Variants in MON2 observed in about 807,000 individuals in gnomAD.
MON2 encodes the protein MON2 regulator of endosome-to-Golgi trafficking, also known as protein MON2 homolog.
A neutral mutation model predicts 208.6 loss-of-function variants in MON2; 84 were observed. The observed-to-expected ratio is 0.40, with a 90% CI of 0.34 to 0.48. The LOEUF is 0.48. Ranked by LOEUF, MON2 falls within the 20% of genes least tolerant of loss-of-function variation. The probability of loss-of-function intolerance (pLI) is 0.59; values close to 1 mark genes in which losing one functional copy is unlikely to be tolerated. For missense variants in MON2, 1,611 were observed against 2,015.4 expected (o/e 0.80, Z 3.84); for synonymous variants, 660 against 694.0 (o/e 0.95, Z 0.77).
chr12:62,584,653 A>G (rs994114723), intron 32 of MON2, among the ~76,000 whole-genome samples: 2 of 149,568 alleles, frequency 1.3e-5, no homozygotes, highest in African/African-American at 4.9e-5. Context: ...CGGTGAGCCA[A>G]GATTACACCA....
At chr12:62,520,852 T>A (rs888106496) in intron 8 of MON2, among the ~76,000 whole-genome samples, 11 of 146,546 alleles carry the variant, frequency 7.5e-5, no homozygotes, top group African/African-American at 2.5e-4. Context: ...TATATATATA[T>A]AATTATATAT....
chr12:62,467,108 G>A lies in MON2; in HGVS notation c.-100G>A. 1.1e-6 allele frequency: 1 copy of A among 933,562 alleles called. No individual in the cohort carries two copies. The highest frequency in any genetic ancestry group is 1.5e-5 in the South Asian group (1 of 68,264). 57.8% of individuals were successfully genotyped at this position (933,562 alleles called of 1,614,324 possible). A position where few individuals can be genotyped will look rare whatever the true frequency, so the allele number is the denominator to read the frequency against. ...GGGCCCAAGAAGCGGGCTGCTGAAGGACCAGAGACACCGGGAGGGAGCTGC... is the reference window on the plus strand; with the variant it reads ...GGGCCCAAGAAGCGGGCTGCTGAAGAACCAGAGACACCGGGAGGGAGCTGC... On this transcript the variant is annotated 5_prime_UTR_variant, in exon 1 of 35. Coordinates refer to ENST00000393630, the MANE Select transcript of MON2 (RefSeq NM_015026.3).
chr12:62,546,899 G>A lies in MON2; in HGVS notation c.2580G>A (p.Arg860=), dbSNP rs145811980. The A allele has an allele frequency of 1.1e-4, 177 of 1,594,290 alleles. 1 individual carries two copies. In the African/African-American group the frequency reaches 2.2e-3, roughly 20 times the overall value. Residue 860 remains arginine, a splice_region_variant and synonymous_variant, in exon 22 of 35, where the codon AGG becomes AGA. Coordinates refer to ENST00000393630, the MANE Select transcript of MON2 (RefSeq NM_015026.3). ...NHDPPLSQNQ[R]LQLLLLNPLK... ...TTAGTTTCTTGCCCCCTTTTCAGAG[G>A]CTGCAGTTGCTTTTATTGAACCCGT...
chr12:62,588,152 G>A lies in MON2; in HGVS notation c.4986G>A (p.Glu1662=), dbSNP rs1476178743. 1.3e-6 allele frequency: 2 copies of A among 1,560,824 alleles called. No individual in the cohort carries two copies. The highest frequency in any genetic ancestry group is 8.8e-7 in the Non-Finnish European group (1 of 1,137,126). Residue 1662 remains glutamate (E), a synonymous_variant, in exon 34 of 35, where the codon GAG becomes GAA. Coordinates refer to ENST00000393630, the MANE Select transcript of MON2 (RefSeq NM_015026.3). Reference sequence around the variant, plus strand: ...ATTCACTTAAGAAAACTCAGCCTGAGAATGGTAAGTGCTTAGAAACAGTTA... The same window carrying A: ...ATTCACTTAAGAAAACTCAGCCTGAAAATGGTAAGTGCTTAGAAACAGTTA... ...LIDSLKKTQP[E]NVDGNTWAQV... is the part of the protein sequence containing the mutation.
At chr12:62,507,297 T>TTTTTTC (rs1326415738) in intron 7 of MON2, among the ~76,000 whole-genome samples, 17 of 151,302 alleles carry the variant, frequency 1.1e-4, no homozygotes, top group African/African-American at 3.9e-4. Flanking sequence ...CTTTTCTTTC[T>TTTTTTC]TTTTTCTTTT....
chr12:62,491,217 C>G (rs2070116526), intron 2 of MON2, among the ~76,000 whole-genome samples: 1 of 152,112 alleles, frequency 6.6e-6, no homozygotes, highest in African/African-American at 2.4e-5. Flanking sequence ...GCACCAGTAA[C>G]AAAACATGCA....
intron 4 of MON2, among the ~76,000 whole-genome samples, chr12:62,498,131 A>C (rs1040700761): frequency 1.3e-5 from 2 of 152,192 alleles, no homozygotes; most frequent in Non-Finnish European, 1.5e-5. Context: ...GTACTCGTAC[A>C]ATAGAATACT....
Position 62,547,012 on chromosome 12 carries a change from G to A in MON2, c.2693G>A (p.Ser898Asn). The A allele has an allele frequency of 6.2e-7, 1 of 1,610,612 alleles. No homozygotes were observed. The highest frequency in any genetic ancestry group is 8.5e-7 in the Non-Finnish European group (1 of 1,177,786). ...VLQILQSQGD[S>N]LGPGWPLVLG... ...CAGATTCTGCAGAGTCAGGGAGACA[G>A]TCTTGGGCCTGGATGGCCATTAGTG... The change falls in exon 22 of 35, where the codon AGT becomes AAT. Residue 898 changes from serine (S) to asparagine (N), a missense_variant. Transcript: ENST00000393630.
intron 16 of MON2, 42 bp downstream of exon 16, chr12:62,537,748 T>C: frequency 7.1e-7 from 1 of 1,414,592 alleles, no homozygotes; most frequent in South Asian, 1.2e-5. Context: ...GTTGTTTTTA[T>C]ATATAATTGC....
intron 8 of MON2, among the ~76,000 whole-genome samples, chr12:62,515,152 A>C (rs1182904721): frequency 6.6e-6 from 1 of 152,234 alleles, no homozygotes; most frequent in Admixed American, 6.5e-5. Flanking sequence ...ATTCAAAAGA[A>C]TTGAAAGTGT....
At chr12:62,478,501 CTTG>C (rs1426749143) in intron 1 of MON2, among the ~76,000 whole-genome samples, 3 of 152,138 alleles carry the variant, frequency 2.0e-5, no homozygotes, top group Non-Finnish European at 4.4e-5. Flanking sequence ...TAGCTATCAT[CTTG>C]TTGTTACTAA....
chr12:62,502,283 C>T (rs1388816865), intron 7 of MON2, among the ~76,000 whole-genome samples: 1 of 151,742 alleles, frequency 6.6e-6, no homozygotes, highest in African/African-American at 2.4e-5. Context: ...TGTCTGTATT[C>T]CCTGCTGTTC....
At chr12:62,571,366 T>A (rs1271596774) in intron 29 of MON2, 26 bp from the exon 30 acceptor site, 1 of 1,447,084 alleles carries the variant, frequency 6.9e-7, no homozygotes, top group East Asian at 2.4e-5. Context: ...TAATTAATGC[T>A]TATATTAAAC....
At chr12:62,515,585 G>A (rs1164918853) in intron 8 of MON2, among the ~76,000 whole-genome samples, 1 of 152,144 alleles carries the variant, frequency 6.6e-6, no homozygotes, top group Non-Finnish European at 1.5e-5. Flanking sequence ...TAAGGCCAAG[G>A]TGGATGGATC....
chr12:62,551,468 A>G (rs781710220), intron 23 of MON2, among the ~76,000 whole-genome samples: 3 of 152,192 alleles, frequency 2.0e-5, no homozygotes, highest in Non-Finnish European at 4.4e-5. Context: ...AATAGTTGCA[A>G]TAGTCACATC....
At chr12:62,511,600 C>T (rs1258099105) in intron 8 of MON2, among the ~76,000 whole-genome samples, 3 of 151,892 alleles carry the variant, frequency 2.0e-5, no homozygotes. Flanking sequence ...ATGCCATGTA[C>T]AAAAAATAAT....
intron 24 of MON2, among the ~76,000 whole-genome samples, chr12:62,555,575 C>T (rs1243082205): frequency 6.6e-6 from 1 of 152,042 alleles, no homozygotes; most frequent in Non-Finnish European, 1.5e-5. Flanking sequence ...TTTGGGAGGT[C>T]GAGGCGGGCA....
In MON2 at chr12:62,466,920, C is replaced by T. The variant is rs946064995; in HGVS notation, c.-288C>T. 2.0e-5 allele frequency: 10 copies of T among 491,840 alleles called. No individual in the cohort carries two copies. The highest frequency in any genetic ancestry group is 3.2e-5 in the Non-Finnish European group (9 of 278,162). The allele number at this position is 491,840 out of a possible 1,614,324, so 30.5% of individuals were successfully genotyped here. The stretch of plus-strand genomic sequence containing the variant: ...GCTGGTGACACCCGGTGTGGCTGGG[C>T]CCCGCGGCAGCGGAGGGACCTGCCC... On this transcript the variant is annotated 5_prime_UTR_variant, in exon 1 of 35. Transcript: ENST00000393630.
At chr12:62,555,256 G>C (rs1431581860) in intron 24 of MON2, among the ~76,000 whole-genome samples, 1 of 151,314 alleles carries the variant, frequency 6.6e-6, no homozygotes, top group African/African-American at 2.4e-5. Context: ...GCTCACTGCA[G>C]CCTCAACCTC....
Sources: gnomAD v4.1 joint callset for allele counts (sites outside exome capture counted in the v4.1 genomes callset) on GRCh38, gnomAD v4.1.1 for gene constraint, MANE v1.5 for transcripts, NCBI Gene and HGNC (gene_info 2026-07-23, HGNC 2026-07-21) for gene names.